The following YY1AP1 variants were observed in gnomAD, a reference collection of about 807,000 sequenced individuals.
YY1AP1 encodes YY1-associated protein 1.
Under a neutral mutation model 39.9 loss-of-function variants are expected in YY1AP1, and 43 were observed. The ratio of observed to expected loss-of-function variants is 1.08; its 90% CI spans 0.84 to 1.39. The LOEUF (loss-of-function observed/expected upper bound fraction) is 1.39, where lower values mean the gene tolerates loss of function less well. Ranked by LOEUF, YY1AP1 falls within the 40% of genes most tolerant of loss-of-function variation. YY1AP1 has a pLI of 0.00. For missense variants in YY1AP1, 813 were observed against 900.7 expected, an observed-to-expected ratio of 0.90 and a Z score of 1.25; for synonymous variants, 292 against 331.3, an observed-to-expected ratio of 0.88 and a Z score of 1.29.
chr1:155,688,138 C>G lies in YY1AP1; in HGVS notation c.-88G>C, dbSNP rs1341263262. The G allele has an allele frequency of 1.2e-6, 2 of 1,613,016 alleles. No homozygotes were observed. Among genetic ancestry groups the G allele is most frequent in the Non-Finnish European group, 1.7e-6 (2 of 1,179,224 alleles). ...AAGAGGGGGTGGCCGCCAGGCTCCT[C>G]CGCTTCCCTGGGTCCACCGCGGATC... On this transcript the variant is annotated 5_prime_UTR_variant, in exon 2 of 11. Coordinates refer to ENST00000355499, the MANE Select transcript of YY1AP1 (RefSeq NM_139119.3).
chr1:155,667,829 T>C (rs781141448), intron 9 of YY1AP1, among the ~76,000 whole-genome samples: 3 of 151,442 alleles, frequency 2.0e-5, no homozygotes, highest in Non-Finnish European at 4.4e-5. Flanking sequence ...TCTCAATCAA[T>C]CAATCAATAA....
At chr1:155,683,095 A>C (rs1025343630) in intron 2 of YY1AP1, among the ~76,000 whole-genome samples, 4 of 152,098 alleles carry the variant, frequency 2.6e-5, no homozygotes, top group African/African-American at 7.2e-5. Flanking sequence ...TCAAAAAAAA[A>C]ACAAAAAACA....
upstream of YY1AP1, chr1:155,688,775 A>G: frequency 2.0e-6 from 3 of 1,529,430 alleles, no homozygotes; most frequent in Non-Finnish European, 2.6e-6. Flanking sequence ...CCCACCCTAC[A>G]CTCCTCGCGC....
At chr1:155,683,991 TAATCCC>T (rs1292828944) in intron 2 of YY1AP1, among the ~76,000 whole-genome samples, 3 of 152,174 alleles carry the variant, frequency 2.0e-5, no homozygotes, top group African/African-American at 7.2e-5. Context: ...CTCACTCCTA[TAATCCC>T]AGCACTTTGG....
At chr1:155,679,139 C>G in intron 4 of YY1AP1, 1 of 1,388,260 alleles carries the variant, frequency 7.2e-7, no homozygotes. Context: ...GTCCTACATA[C>G]CTCTCCAGCA....
At chr1:155,679,607 T>C in intron 3 of YY1AP1, 95 bp from the exon 4 acceptor site, 1 of 1,591,352 alleles carries the variant, frequency 6.3e-7, no homozygotes, top group Non-Finnish European at 8.6e-7. Flanking sequence ...TAAACAATAC[T>C]TTAATAATGC....
At chr1:155,671,029 G>C (rs891329257) in intron 7 of YY1AP1, 2 of 155,842 alleles carry the variant, frequency 1.3e-5, no homozygotes, top group Non-Finnish European at 2.8e-5. Context: ...CACTTAAAAA[G>C]TACCTAGTAA....
intron 8 of YY1AP1, 105 bp from the exon 9 acceptor site, chr1:155,668,882 A>G: frequency 6.5e-7 from 1 of 1,544,908 alleles, no homozygotes; most frequent in Non-Finnish European, 8.8e-7. Flanking sequence ...ACTTGTTCTT[A>G]AAACAAGGTC....
chr1:155,680,580 T>C, intron 2 of YY1AP1, 124 bp from the exon 3 acceptor site: 2 of 794,626 alleles, frequency 2.5e-6, no homozygotes, highest in East Asian at 2.9e-5. Flanking sequence ...TCTATCCTTA[T>C]TCCTGAGACA....
Position 155,682,734 on chromosome 1 carries a change from G to C in YY1AP1, c.-20-2278C>G, listed in dbSNP as rs550236836. On this transcript the variant is annotated intron_variant, in intron 2 of 10. Transcript: ENST00000355499. ...GACAAACTATCCAATGGAATTCCTG[G>C]ATAAAACACAGGCACACAGTGTCTC... Among the ~76,000 whole-genome samples, 4 of 152,198 alleles carry C rather than the reference G, an allele frequency of 2.6e-5. No individual in the cohort carries two copies. The South Asian group carries it at 8.3e-4, about 32-fold the overall frequency.
At chr1:155,661,594 G>A (rs1162846833) in intron 9 of YY1AP1, among the ~76,000 whole-genome samples, 171 bp from the exon 10 acceptor site, 1 of 151,414 alleles carries the variant, frequency 6.6e-6, no homozygotes, top group Non-Finnish European at 1.5e-5. Flanking sequence ...TATACGAATA[G>A]CATATGCTGA....
At chr1:155,688,918 A>G, upstream of YY1AP1, 1 of 1,613,152 alleles carries the variant, frequency 6.2e-7, no homozygotes, top group South Asian at 1.1e-5. Flanking sequence ...GCCGAGTCCC[A>G]TGACAACCTA....
intron 9 of YY1AP1, among the ~76,000 whole-genome samples, chr1:155,666,644 T>C (rs747036130): frequency 7.2e-5 from 11 of 151,996 alleles, no homozygotes; most frequent in Non-Finnish European, 1.6e-4. Flanking sequence ...GACAGGAGAA[T>C]TGCCTAAGGC....
At chr1:155,664,725 C>T (rs1373345425) in intron 9 of YY1AP1, among the ~76,000 whole-genome samples, 2 of 148,980 alleles carry the variant, frequency 1.3e-5, no homozygotes, top group Admixed American at 6.7e-5. Context: ...AAAACAAAAA[C>T]GAGGAAACTG....
chr1:155,684,444 A>G (rs569609371), intron 2 of YY1AP1, among the ~76,000 whole-genome samples: 15 of 152,328 alleles, frequency 9.8e-5, no homozygotes, highest in African/African-American at 3.4e-4. Flanking sequence ...AAATTTACAT[A>G]GCATTCTTAT....
At chr1:155,676,523 T>C (rs2149056635) in intron 5 of YY1AP1, 25 bp downstream of exon 5, 2 of 1,613,732 alleles carry the variant, frequency 1.2e-6, no homozygotes, top group Non-Finnish European at 1.7e-6. Flanking sequence ...TAATTCAATA[T>C]TAATATGACC....
chr1:155,682,180 A>G (rs1021404829), intron 2 of YY1AP1, among the ~76,000 whole-genome samples: 2 of 152,138 alleles, frequency 1.3e-5, no homozygotes, highest in African/African-American at 4.8e-5. Flanking sequence ...CAAATATTCA[A>G]AGTCGAAATG....
At chr1:155,679,868 C>A in intron 3 of YY1AP1, 2 of 977,816 alleles carry the variant, frequency 2.0e-6, no homozygotes, top group Non-Finnish European at 2.6e-6. Flanking sequence ...AAGGACACAC[C>A]AAATGACAGT....
chr1:155,671,818 G>A (rs1024066320), intron 7 of YY1AP1, among the ~76,000 whole-genome samples: 1 of 152,044 alleles, frequency 6.6e-6, no homozygotes, highest in Non-Finnish European at 1.5e-5. Context: ...AGTAGTTTGG[G>A]ATCTGTGTCT....
Sources: gnomAD v4.1 joint callset for allele counts (sites outside exome capture counted in the v4.1 genomes callset) on GRCh38, gnomAD v4.1.1 for gene constraint, MANE v1.5 for transcripts, NCBI Gene and HGNC (gene_info 2026-07-23, HGNC 2026-07-21) for gene names.